The following CSNK2A2IP variants were observed in gnomAD, a reference collection of about 807,000 sequenced individuals.
The protein encoded by CSNK2A2IP is casein kinase II subunit alpha'-interacting protein.
the CSNK2A2IP span, among the ~76,000 whole-genome samples, chr3:88,378,835 T>C: frequency 6.6e-6 from 1 of 152,060 alleles, no homozygotes; most frequent in African/African-American, 2.4e-5. Context: ...ACAATAAATA[T>C]GTGTTATGTA....
the CSNK2A2IP span, among the ~76,000 whole-genome samples, chr3:88,386,661 C>A: frequency 9.2e-5 from 14 of 151,990 alleles, no homozygotes; most frequent in Non-Finnish European, 1.8e-4. Flanking sequence ...GTTAATCGTA[C>A]GCATGTTGGA....
chr3:88,423,211 A>C, the CSNK2A2IP span, among the ~76,000 whole-genome samples: 26 of 152,336 alleles, frequency 1.7e-4, no homozygotes, highest in African/African-American at 6.3e-4. Context: ...ATCTTCATTT[A>C]TCATTTTTTA....
chr3:88,458,514 G>A, the CSNK2A2IP span, among the ~76,000 whole-genome samples: 11 of 151,988 alleles, frequency 7.2e-5, no homozygotes, highest in South Asian at 2.1e-3. Context: ...TTTTCTGAAA[G>A]AACCACCTAT....
At chr3:88,406,704 A>G in the CSNK2A2IP span, among the ~76,000 whole-genome samples, 1 of 152,348 alleles carries the variant, frequency 6.6e-6, no homozygotes, top group South Asian at 2.1e-4. Flanking sequence ...TTCTTTGGCT[A>G]GAAGGTGTTT....
chr3:88,432,416 C>G, the CSNK2A2IP span, among the ~76,000 whole-genome samples: 10 of 151,800 alleles, frequency 6.6e-5, no homozygotes, highest in South Asian at 1.9e-3. Context: ...CATAAAGTAT[C>G]TAATGTACAA....
the CSNK2A2IP span, among the ~76,000 whole-genome samples, chr3:88,405,209 C>T: frequency 3.3e-5 from 5 of 152,160 alleles, no homozygotes; most frequent in East Asian, 1.9e-4. Flanking sequence ...GTCTCTATAC[C>T]TATCACCATG....
chr3:88,465,723 G>T, the CSNK2A2IP span: 5 of 1,231,584 alleles, frequency 4.1e-6, no homozygotes, highest in South Asian at 1.6e-4. Context: ...ACTCTCATTT[G>T]TTGCACTCCA....
chr3:88,390,328 T>A, the CSNK2A2IP span, among the ~76,000 whole-genome samples: 2 of 152,226 alleles, frequency 1.3e-5, no homozygotes, highest in Non-Finnish European at 2.9e-5. Flanking sequence ...CATCAGGTCA[T>A]GAGATTTTAA....
the CSNK2A2IP span, among the ~76,000 whole-genome samples, chr3:88,399,063 T>A: frequency 6.6e-6 from 1 of 152,146 alleles, no homozygotes; most frequent in Non-Finnish European, 1.5e-5. Context: ...CAAAAAGATA[T>A]AATTTTAATA....
the CSNK2A2IP span, among the ~76,000 whole-genome samples, chr3:88,372,211 A>G: frequency 1.3e-5 from 2 of 151,692 alleles, no homozygotes; most frequent in Non-Finnish European, 3.0e-5. Context: ...TATAACACAC[A>G]TTGATGTATT....
At chr3:88,411,411 A>T in the CSNK2A2IP span, among the ~76,000 whole-genome samples, 1 of 151,604 alleles carries the variant, frequency 6.6e-6, no homozygotes, top group Non-Finnish European at 1.5e-5. Flanking sequence ...CTATCCATCC[A>T]TCCATCTAAC....
At chr3:88,389,272 C>T in the CSNK2A2IP span, among the ~76,000 whole-genome samples, 5,692 of 150,662 alleles carry the variant, frequency 0.038, 261 homozygotes, top group African/African-American at 0.11. Flanking sequence ...AAAATGAGGA[C>T]GTTAGTTATT....
the CSNK2A2IP span, among the ~76,000 whole-genome samples, chr3:88,360,551 T>C: frequency 6.9e-4 from 105 of 152,300 alleles, no homozygotes; most frequent in African/African-American, 2.3e-3. Context: ...AGTTTATGCA[T>C]GTATTTACAG....
At chr3:88,463,889 C>G in the CSNK2A2IP span, among the ~76,000 whole-genome samples, 1 of 151,902 alleles carries the variant, frequency 6.6e-6, no homozygotes, top group African/African-American at 2.4e-5. Flanking sequence ...ATAGCAAAGA[C>G]TTGGAAACAA....
the CSNK2A2IP span, among the ~76,000 whole-genome samples, chr3:88,403,458 A>G: frequency 6.6e-6 from 1 of 152,104 alleles, no homozygotes; most frequent in East Asian, 1.9e-4. Context: ...CATTGATACC[A>G]AGGGATTGTA....
the CSNK2A2IP span, chr3:88,467,490 T>C: frequency 5.0e-6 from 2 of 398,546 alleles, no homozygotes; most frequent in Non-Finnish European, 8.8e-6. Context: ...AAACAAAGCC[T>C]GTGAGGAACA....
At chr3:88,436,706 G>A in the CSNK2A2IP span, among the ~76,000 whole-genome samples, 2 of 152,074 alleles carry the variant, frequency 1.3e-5, no homozygotes, top group Non-Finnish European at 2.9e-5. Flanking sequence ...ATTCAGGAAG[G>A]AGGAAGATCT....
chr3:88,391,503 G>A, the CSNK2A2IP span, among the ~76,000 whole-genome samples: 9 of 152,130 alleles, frequency 5.9e-5, no homozygotes, highest in Admixed American at 5.9e-4. Context: ...GTTTCTAAAC[G>A]TGTATATACC....
At chr3:88,373,627 GAAGTT>G in the CSNK2A2IP span, among the ~76,000 whole-genome samples, 3 of 146,284 alleles carry the variant, frequency 2.1e-5, no homozygotes, top group Non-Finnish European at 4.5e-5. Flanking sequence ...AGGAAATAAT[GAAGTT>G]AAGAGCAGAA....
Sources: allele counts gnomAD v4.1 joint callset (sites outside exome capture counted in the v4.1 genomes callset), GRCh38; gene constraint gnomAD v4.1.1; transcripts MANE v1.5; gene names NCBI Gene and HGNC (gene_info 2026-07-23, HGNC 2026-07-21).